The following SERF1B variants were observed in gnomAD, a reference collection of about 807,000 sequenced individuals.
SERF1B encodes the protein small EDRK-rich factor 1B.
At chr5:70,036,629 A>ACACACACACACT (rs763495681) in intron 2 of SERF1B, among the ~76,000 whole-genome samples, 4 of 49,882 alleles carry the variant, frequency 8.0e-5, no homozygotes, top group African/African-American at 2.7e-4. Flanking sequence ...ACACACACAC[A>ACACACACACACT]CTCTCTCTCT....
In SERF1B at chr5:70,028,867, C is replaced by T. The variant is rs1287520516; in HGVS notation, c.116+2352C>T. 8.1e-5 allele frequency among the ~76,000 whole-genome samples: 12 copies of T among 148,550 alleles called. No homozygotes were observed. The East Asian group carries it at 2.4e-3, about 30-fold the overall frequency. ...TGGCGGGCGCCTGTAGTCCCAGCTA[C>T]TCGGGAGGCTGAGGCAGGAGACTGG... On this transcript the variant is annotated intron_variant, in intron 2 of 2. Transcript: ENST00000380750.
rs1554065469 is a variant in SERF1B, at chr5:70,035,385, T to TATTATTA, written c.117-6139_117-6138insATTATTA. On this transcript the variant is annotated intron_variant, in intron 2 of 2. Transcript: ENST00000380750. ...TTTTAATTATTATTATTATTATTAT[T>TATTATTA]TTTTTTTTTTTTTGAGACGGAGTTT... Among the ~76,000 whole-genome samples, 34 of 124,800 alleles carry TATTATTA rather than the reference T, an allele frequency of 2.7e-4. No homozygotes were observed. In the Middle Eastern group the frequency reaches 0.012, roughly 44 times the overall value. The allele number at this position is 124,800 out of a possible 152,430, so 81.9% of individuals were successfully genotyped here. A position where few individuals can be genotyped will look rare whatever the true frequency, so the allele number is the denominator to read the frequency against.
rs1212936359 is a variant in SERF1B, at chr5:70,036,594, TACAC to T, written c.117-4897_117-4894del. On this transcript the variant is annotated intron_variant, in intron 2 of 2. Coordinates refer to ENST00000380750, the MANE Select transcript of SERF1B (RefSeq NM_022978.3). The stretch of plus-strand genomic sequence containing the variant: ...AAGAGTGGGACCCTGTCTCAAAACA[TACAC>T]ACACACACACACACACACACACACA... Among the ~76,000 whole-genome samples, 403 of 106,242 alleles carry T rather than the reference TACAC, an allele frequency of 3.8e-3. 5 individuals carry two copies. The highest frequency in any genetic ancestry group is 0.017 in the African/African-American group (333 of 20,110). The allele number at this position is 106,242 out of a possible 152,430, so 69.7% of individuals were successfully genotyped here.
At chr5:70,028,325 C>CGG (rs1774080004) in intron 2 of SERF1B, among the ~76,000 whole-genome samples, 2 of 132,842 alleles carry the variant, frequency 1.5e-5, no homozygotes, top group African/African-American at 5.6e-5. Context: ...GAGGCCCAGG[C>CGG]GGGCGGATCA....
rs528056944 is a variant in SERF1B at position 70,036,587 on chromosome 5, C to G, written c.117-4937C>G. ...GGGTGATAAGAGTGGGACCCTGTCT[C>G]AAAACATACACACACACACACACAC... On this transcript the variant is annotated intron_variant, in intron 2 of 2. Transcript: ENST00000380750. 5.6e-5 allele frequency among the ~76,000 whole-genome samples: 6 copies of G among 107,248 alleles called. No individual in the cohort carries two copies. The South Asian group carries it at 1.5e-3, about 28-fold the overall frequency. 70.4% of individuals were successfully genotyped at this position (107,248 alleles called of 152,430 possible).
Position 70,036,629 on chromosome 5 carries a change from A to ACACTCT in SERF1B, c.117-4894_117-4893insACTCTC, listed in dbSNP as rs763495681. Among the ~76,000 whole-genome samples the ACACTCT allele has an allele frequency of 9.5e-3, 476 of 49,984 alleles. 3 individuals carry two copies. The highest frequency in any genetic ancestry group is 0.063 in the East Asian group (80 of 1,278). The allele number at this position is 49,984 out of a possible 152,430, so 32.8% of individuals were successfully genotyped here. ...CACACACACACACACACACACACAC[A>ACACTCT]CTCTCTCTCTCTCTCTCTCTCTCTC... On this transcript the variant is annotated intron_variant, in intron 2 of 2. Coordinates refer to ENST00000380750, the MANE Select transcript of SERF1B (RefSeq NM_022978.3).
intron 2 of SERF1B, chr5:70,030,059 A>G (rs1167240555): frequency 4.9e-6 from 1 of 205,972 alleles, no homozygotes; most frequent in Non-Finnish European, 8.9e-6. Flanking sequence ...AACATTTATT[A>G]TTAAAGTGAT....
chr5:70,036,629 A>ACACACACACACTCTCT (rs763495681), intron 2 of SERF1B, among the ~76,000 whole-genome samples: 1 of 49,878 alleles, frequency 2.0e-5, no homozygotes, highest in Admixed American at 2.2e-4. Flanking sequence ...ACACACACAC[A>ACACACACACACTCTCT]CTCTCTCTCT....
Position 70,041,924 on chromosome 5 carries a change from C to CT in SERF1B, c.*201dup, listed in dbSNP as rs763662756. 0.066 allele frequency: 34,750 copies of CT among 526,174 alleles called. 2 individuals are homozygous for CT. The highest frequency in any genetic ancestry group is 0.081 in the East Asian group (2,508 of 31,144). The allele number at this position is 526,174 out of a possible 1,614,324, so 32.6% of individuals were successfully genotyped here. A position where few individuals can be genotyped will look rare whatever the true frequency, so the allele number is the denominator to read the frequency against. ...TAGGAAACTTAGATGTAACTTAGCA[C>CT]TTTTTTTTTTTTTTTTTGAGATGGA... On this transcript the variant is annotated 3_prime_UTR_variant, in exon 3 of 3. Coordinates refer to ENST00000380750, the MANE Select transcript of SERF1B (RefSeq NM_022978.3).
chr5:70,036,341 T>C (rs1368204963), intron 2 of SERF1B, among the ~76,000 whole-genome samples: 1 of 73,244 alleles, frequency 1.4e-5, no homozygotes, highest in Non-Finnish European at 2.6e-5. Flanking sequence ...AATCCCAGCA[T>C]TTTGGGAGGC....
At chr5:70,029,122 T>C (rs1275376081) in intron 2 of SERF1B, among the ~76,000 whole-genome samples, 2 of 151,532 alleles carry the variant, frequency 1.3e-5, no homozygotes, top group Admixed American at 1.3e-4. Flanking sequence ...TAAATTTTAC[T>C]GTACTTAGGT....
chr5:70,041,406 G>A (rs1330398893), intron 2 of SERF1B, 118 bp from the exon 3 acceptor site: 4 of 686,346 alleles, frequency 5.8e-6, no homozygotes, highest in Middle Eastern at 3.6e-4. Context: ...ATGCAAACAT[G>A]CATACACACA....
chr5:70,035,384 T>TTA (rs1491213976), intron 2 of SERF1B, among the ~76,000 whole-genome samples: 56 of 125,756 alleles, frequency 4.5e-4, no homozygotes, highest in South Asian at 9.2e-4. Context: ...ATTATTATTA[T>TTA]TTTTTTTTTT....
rs763495681 is a variant in SERF1B, at chr5:70,036,629, A to ACACACACACT, written c.117-4894_117-4893insACACACACTC. On this transcript the variant is annotated intron_variant, in intron 2 of 2. Transcript: ENST00000380750. ...CACACACACACACACACACACACACACTCTCTCTCTCTCTCTCTCTCTCTC... is the reference window on the plus strand; with the variant it reads ...CACACACACACACACACACACACACACACACACACTCTCTCTCTCTCTCTCTCTCTCTCTC... 4.7e-3 allele frequency among the ~76,000 whole-genome samples: 234 copies of ACACACACACT among 49,934 alleles called. 1 individual carries two copies. The highest frequency in any genetic ancestry group is 0.012 in the African/African-American group (175 of 15,108). 32.8% of individuals were successfully genotyped at this position (49,934 alleles called of 152,430 possible).
intron 2 of SERF1B, among the ~76,000 whole-genome samples, chr5:70,029,103 C>T (rs1209670640): frequency 6.6e-6 from 1 of 151,782 alleles, no homozygotes; most frequent in Non-Finnish European, 1.5e-5. Context: ...CATTAAAAAG[C>T]ACCCTAGGTA....
chr5:70,036,905 G>C (rs966839991), intron 2 of SERF1B, among the ~76,000 whole-genome samples: 1 of 61,540 alleles, frequency 1.6e-5, no homozygotes, highest in Admixed American at 1.8e-4. Context: ...ATTTCCAAAA[G>C]ACATGAAACT....
intron 2 of SERF1B, among the ~76,000 whole-genome samples, chr5:70,035,385 T>TATTA (rs1554065469): frequency 4.0e-5 from 5 of 124,828 alleles, no homozygotes; most frequent in Admixed American, 8.0e-5. Context: ...TTATTATTAT[T>TATTA]TTTTTTTTTT....
At position 70,036,621 on chromosome 5, in the gene SERF1B, A is replaced by T. The variant is rs1485284523; in HGVS notation, c.117-4903A>T. Among the ~76,000 whole-genome samples, 26 of 110,124 alleles carry T rather than the reference A, an allele frequency of 2.4e-4. No individual in the cohort carries two copies. In the East Asian group the frequency reaches 2.9e-3, roughly 12 times the overall value. 72.2% of individuals were successfully genotyped at this position (110,124 alleles called of 152,430 possible). On this transcript the variant is annotated intron_variant, in intron 2 of 2. Transcript: ENST00000380750. Reference sequence around the variant, plus strand: ...CACACACACACACACACACACACACACACACACACTCTCTCTCTCTCTCTC... The same window carrying T: ...CACACACACACACACACACACACACTCACACACACTCTCTCTCTCTCTCTC...
intron 2 of SERF1B, among the ~76,000 whole-genome samples, chr5:70,036,629 A>ACTCACACTCTCTCTCTCTCT (rs1774192033): frequency 2.0e-5 from 1 of 49,838 alleles, no homozygotes; most frequent in South Asian, 6.5e-4. Flanking sequence ...ACACACACAC[A>ACTCACACTCTCTCTCTCTCT]CTCTCTCTCT....
Sources: allele counts gnomAD v4.1 joint callset (sites outside exome capture counted in the v4.1 genomes callset), GRCh38; gene constraint gnomAD v4.1.1; transcripts MANE v1.5; gene names NCBI Gene and HGNC (gene_info 2026-07-23, HGNC 2026-07-21).